LPP: variants seen among roughly 807,000 people sequenced by gnomAD.
LPP encodes lipoma-preferred partner.
In LPP, 38 loss-of-function variants were observed where a neutral mutation model predicts 60.4. The observed-to-expected ratio is 0.63, with a 90% CI of 0.49 to 0.83. The LOEUF (loss-of-function observed/expected upper bound fraction) is 0.83. LPP is among the 40% of genes least tolerant of loss of function. The pLI is 0.00. For synonymous variants in LPP, 328 were observed against 290.8 expected, an observed-to-expected ratio of 1.13 and a Z score of -1.30; for missense variants, 902 against 783.6, an observed-to-expected ratio of 1.15 and a Z score of -1.80.
At position 188,452,490 on chromosome 3, in the gene LPP, ATTG is replaced by A. The variant is rs1390257659; in HGVS notation, c.194-32092_194-32090del. Among the ~76,000 whole-genome samples, 6 of 152,162 alleles carry A rather than the reference ATTG, an allele frequency of 3.9e-5. 1 individual carries two copies. The highest frequency in any genetic ancestry group is 3.9e-4 in the East Asian group (2 of 5,168). On this transcript the variant is annotated intron_variant, in intron 4 of 11. Transcript: ENST00000617246. ...CTTCACAATTCCTTAAGAATTTATT[ATTG>A]TTGTTGTTGAGGGATGATAGAGTCC...
rs144058834 is a variant in LPP at position 188,820,271 on chromosome 3, T to TTGTG, written c.1411-45919_1411-45916dup. On this transcript the variant is annotated intron_variant, in intron 9 of 11. Transcript: ENST00000617246. ...GTTTTGCTGTCCTAGAAACTGGTGT[T>TTGTG]TGTGTGTGTGTGTTTGTGTGTGTAT... Among the ~76,000 whole-genome samples the TTGTG allele has an allele frequency of 6.6e-5, 10 of 151,778 alleles. No homozygotes were observed. The East Asian group carries it at 1.9e-3, about 29-fold the overall frequency.
At chr3:188,461,686 TC>T (rs1798991750) in intron 4 of LPP, among the ~76,000 whole-genome samples, 1 of 152,228 alleles carries the variant, frequency 6.6e-6, no homozygotes, top group South Asian at 2.1e-4. Context: ...ATTGTGGTTT[TC>T]GTTTTTTGAC....
intron 9 of LPP, among the ~76,000 whole-genome samples, chr3:188,835,264 C>T (rs1308083979): frequency 6.6e-6 from 1 of 150,390 alleles, no homozygotes; most frequent in African/African-American, 2.5e-5. Flanking sequence ...TCTAGACTAC[C>T]CTAGCCAATA....
chr3:188,545,752 GA>G (rs1826472228), intron 6 of LPP, among the ~76,000 whole-genome samples: 1 of 152,154 alleles, frequency 6.6e-6, no homozygotes, highest in African/African-American at 2.4e-5. Flanking sequence ...TCACAAGAGA[GA>G]AAGGTAGAAA....
chr3:188,874,195 G>A lies in LPP; in HGVS notation c.1711-156G>A, dbSNP rs77601547. On this transcript the variant is annotated intron_variant, in intron 11 of 11. Transcript: ENST00000617246. Reference sequence around the variant, plus strand: ...CAAGATATACTATGTTATATATTGGGAGAAAGGATACAGGGGATTAGCAGA... The same window carrying A: ...CAAGATATACTATGTTATATATTGGAAGAAAGGATACAGGGGATTAGCAGA... Among the ~76,000 whole-genome samples, 1,426 of 152,292 alleles carry A rather than the reference G, an allele frequency of 9.4e-3. 18 individuals carry two copies. The highest frequency in any genetic ancestry group is 0.032 in the African/African-American group (1,340 of 41,566).
At chr3:188,377,736 C>G (rs894099120) in intron 3 of LPP, among the ~76,000 whole-genome samples, 1 of 152,172 alleles carries the variant, frequency 6.6e-6, no homozygotes, top group Non-Finnish European at 1.5e-5. Flanking sequence ...CAGCTTTATT[C>G]CATTGCTGGT....
At chr3:188,506,360 C>T (rs1187722660) in intron 5 of LPP, among the ~76,000 whole-genome samples, 2 of 152,162 alleles carry the variant, frequency 1.3e-5, no homozygotes, top group Non-Finnish European at 2.9e-5. Flanking sequence ...GTAAAGGCTA[C>T]TATGAGTCAG....
At chr3:188,686,335 C>G (rs973912196) in intron 7 of LPP, among the ~76,000 whole-genome samples, 2 of 152,158 alleles carry the variant, frequency 1.3e-5, no homozygotes, top group Admixed American at 6.5e-5. Flanking sequence ...GAGGGCACAG[C>G]AAGATCTATA....
chr3:188,524,139 C>T (rs1819794008), intron 5 of LPP, among the ~76,000 whole-genome samples: 2 of 152,168 alleles, frequency 1.3e-5, no homozygotes, highest in Admixed American at 1.3e-4. Context: ...CTAGGTGCAT[C>T]TCTTGGGTCT....
Position 188,609,026 on chromosome 3 carries a change from A to T in LPP, c.430-135A>T. 1 of 701,700 alleles carries T rather than the reference A, an allele frequency of 1.4e-6. No homozygotes were observed. The highest frequency in any genetic ancestry group is 2.0e-5 in the South Asian group (1 of 49,194). 43.5% of individuals were successfully genotyped at this position (701,700 alleles called of 1,614,324 possible). A position where few individuals can be genotyped will look rare whatever the true frequency, so the allele number is the denominator to read the frequency against. On this transcript the variant is annotated intron_variant, in intron 6 of 11. Coordinates refer to ENST00000617246, the MANE Select transcript of LPP (RefSeq NM_001375462.1). The surrounding 1 kb of genome is among the most constrained non-coding windows in gnomAD (Gnocchi z 6.9). ...CTGTGAACACTTTGAAGGCAAGATT[A>T]TGCCTTATTTGTGTTCTACATAGTA...
chr3:188,566,626 A>G (rs1232724170), intron 6 of LPP, among the ~76,000 whole-genome samples: 3 of 151,894 alleles, frequency 2.0e-5, no homozygotes, highest in Admixed American at 6.6e-5. Context: ...TCAAAAAGCC[A>G]TGTTCTCTCA....
At chr3:188,499,065 A>G (rs544625180) in intron 5 of LPP, among the ~76,000 whole-genome samples, 2 of 152,236 alleles carry the variant, frequency 1.3e-5, no homozygotes, top group South Asian at 4.1e-4. Context: ...CTTATCAGGT[A>G]TGATTTGATA....
chr3:188,337,713 T>C (rs2150597850), intron 2 of LPP, among the ~76,000 whole-genome samples: 1 of 152,340 alleles, frequency 6.6e-6, no homozygotes, highest in South Asian at 2.1e-4. Flanking sequence ...TTGCCCAGGC[T>C]GCTCTCAAAC....
At chr3:188,590,280 GAT>G (rs1838381853) in intron 6 of LPP, among the ~76,000 whole-genome samples, 2 of 152,200 alleles carry the variant, frequency 1.3e-5, no homozygotes, top group Admixed American at 6.5e-5. Context: ...TTTTAAAAAA[GAT>G]GTATTCTTGG....
intron 1 of LPP, among the ~76,000 whole-genome samples, chr3:188,209,255 G>A (rs1198378196): frequency 1.3e-5 from 2 of 152,138 alleles, no homozygotes; most frequent in South Asian, 2.1e-4. Flanking sequence ...ACTAAATTGG[G>A]TATAATACTA....
intron 1 of LPP, chr3:188,179,494 C>T (rs9879946): frequency 1.8e-4 from 84 of 457,890 alleles, no homozygotes; most frequent in Middle Eastern, 6.5e-4. Context: ...ATCTGCGACA[C>T]GCTTGTTTGC....
chr3:188,513,784 C>G (rs1302050155), intron 5 of LPP, among the ~76,000 whole-genome samples: 1 of 152,056 alleles, frequency 6.6e-6, no homozygotes, highest in Non-Finnish European at 1.5e-5. Flanking sequence ...TGTGTATACC[C>G]AAGTTCAGAT....
chr3:188,538,489 G>A (rs1040403117), intron 6 of LPP, among the ~76,000 whole-genome samples: 10 of 152,148 alleles, frequency 6.6e-5, no homozygotes, highest in Non-Finnish European at 1.3e-4. Context: ...ACCACAACGA[G>A]ATATCACTTC....
chr3:188,234,829 G>C (rs1261467298), intron 2 of LPP, among the ~76,000 whole-genome samples: 2 of 152,082 alleles, frequency 1.3e-5, no homozygotes, highest in Non-Finnish European at 2.9e-5. Context: ...TCAAATTTAT[G>C]TCAAAGATGG....
Sources: allele counts gnomAD v4.1 joint callset (sites outside exome capture counted in the v4.1 genomes callset), GRCh38; gene constraint gnomAD v4.1.1; non-coding constraint Gnocchi (gnomAD v3.1); transcripts MANE v1.5; gene names NCBI Gene and HGNC (gene_info 2026-07-23, HGNC 2026-07-21).